Variants in EPAS1 observed in about 807,000 individuals in gnomAD.
The protein encoded by EPAS1 is endothelial PAS domain-containing protein 1.
EPAS1 carries 23 observed loss-of-function variants against 87.9 expected under a neutral mutation model. That is an observed-to-expected ratio of 0.26 (90% confidence interval 0.19 to 0.37). The LOEUF (loss-of-function observed/expected upper bound fraction) is 0.37, where lower values mean the gene tolerates loss of function less well. EPAS1 is among the 10% of genes least tolerant of loss of function. The probability of loss-of-function intolerance (pLI) is 1.00; values close to 1 mark genes in which losing one functional copy is unlikely to be tolerated. For synonymous variants in EPAS1, 508 were observed against 444.3 expected (o/e 1.14, Z -1.80); for missense variants, 1,138 against 1,120.7 (o/e 1.02, Z -0.22).
chr2:46,307,353 A>G (rs1683125751), intron 1 of EPAS1, among the ~76,000 whole-genome samples: 1 of 152,196 alleles, frequency 6.6e-6, no homozygotes, highest in African/African-American at 2.4e-5. Context: ...GTGTGCTTGC[A>G]CAACAAATGT....
In EPAS1 at chr2:46,346,350, G is replaced by C. The variant is rs1169740297; in HGVS notation, c.27-523G>C. Reference sequence around the variant, plus strand: ...AATGGCATTTTCAGTTTTTACTGTGGAAATCACTTTCTGGTATGAAGCGGG... The same window carrying C: ...AATGGCATTTTCAGTTTTTACTGTGCAAATCACTTTCTGGTATGAAGCGGG... On this transcript the variant is annotated intron_variant, in intron 1 of 15. Coordinates refer to ENST00000263734, the MANE Select transcript of EPAS1 (RefSeq NM_001430.5). The surrounding 1 kb of genome is among the most constrained non-coding windows in gnomAD (Gnocchi z 4.0). Among the ~76,000 whole-genome samples the C allele has an allele frequency of 6.6e-6, 1 of 152,188 alleles. No individual in the cohort carries two copies. Among genetic ancestry groups the C allele is most frequent in the Non-Finnish European group, 1.5e-5 (1 of 68,042 alleles).
intron 1 of EPAS1, among the ~76,000 whole-genome samples, chr2:46,325,806 G>C (rs906809828): frequency 2.0e-5 from 3 of 152,174 alleles, no homozygotes; most frequent in African/African-American, 7.2e-5. Flanking sequence ...ATGATCATTA[G>C]AACTCATGTT....
rs1387303149 is a variant in EPAS1 at position 46,382,449 on chromosome 2, G to A, written c.2312G>A (p.Arg771Lys). Residue 771 changes from arginine to lysine, a missense_variant, in exon 15 of 16, where the codon AGG becomes AAG. By Grantham distance (26) the Arg-to-Lys change is conservative (BLOSUM62 2). Around this residue, in one of 4 missense-constraint regions of EPAS1, gnomAD observed 502 missense variants for 427.1 expected, o/e 1.18. Transcript: ENST00000263734. ...PNDKFTQNPM[R>K]GLGHPLRHLP... Reference sequence around the variant, plus strand: ...GATAAGTTCACCCAAAACCCCATGAGGGGCCTGGGCCATCCCCTGAGACAT... The same window carrying A: ...GATAAGTTCACCCAAAACCCCATGAAGGGCCTGGGCCATCCCCTGAGACAT... 6.2e-7 allele frequency: 1 copy of A among 1,614,050 alleles called. No homozygotes were observed. Among genetic ancestry groups the A allele is most frequent in the South Asian group, 1.1e-5 (1 of 91,072 alleles).
At chr2:46,313,598 C>T (rs1003158016) in intron 1 of EPAS1, among the ~76,000 whole-genome samples, 2 of 152,102 alleles carry the variant, frequency 1.3e-5, no homozygotes, top group African/African-American at 4.8e-5. Context: ...ATTACAGGCA[C>T]GCACCACCAT....
In EPAS1 at chr2:46,324,660, C is replaced by T. The variant is rs185512553; in HGVS notation, c.27-22213C>T. ...GCCTGGCCAGGATGAAAACGCTCAT[C>T]CTTGGGCTGCCCCTAGATGCCAAAC... is the stretch of plus-strand genomic sequence containing the variant. On this transcript the variant is annotated intron_variant, in intron 1 of 15. Transcript: ENST00000263734. Among the ~76,000 whole-genome samples, 73 of 152,318 alleles carry T rather than the reference C, an allele frequency of 4.8e-4. 4 individuals carry two copies. Among genetic ancestry groups the T allele is most frequent in the Admixed American group, 1.5e-3 (23 of 15,300 alleles).
At chr2:46,301,093 A>T (rs1266719017) in intron 1 of EPAS1, among the ~76,000 whole-genome samples, 2 of 152,234 alleles carry the variant, frequency 1.3e-5, no homozygotes, top group Non-Finnish European at 2.9e-5. Context: ...GTTTTAATTC[A>T]TACAGTTTTC....
rs142684263 is a variant in EPAS1 at position 46,356,140 on chromosome 2, C to CG, written c.218-11_218-10insG. The CG allele has an allele frequency of 1.4e-5, 19 of 1,363,936 alleles. 1 individual carries two copies. Among genetic ancestry groups the CG allele is most frequent in the South Asian group, 8.1e-5 (7 of 86,868 alleles). The allele number at this position is 1,363,936 out of a possible 1,614,324, so 84.5% of individuals were successfully genotyped here. On this transcript the variant is annotated splice_polypyrimidine_tract_variant and intron_variant, in intron 2 of 15. Transcript: ENST00000263734. ...ATTCATGCAAGCTGTCCCACCCCCC[C>CG]CCCTTTCCAGTTTGCTCTGAAAACG...
At chr2:46,309,550 T>A (rs1390703961) in intron 1 of EPAS1, among the ~76,000 whole-genome samples, 1 of 152,066 alleles carries the variant, frequency 6.6e-6, no homozygotes, top group Non-Finnish European at 1.5e-5. Context: ...TTAGTGGAGA[T>A]TAGAGGGAGG....
chr2:46,341,618 C>A (rs1683915555), intron 1 of EPAS1, among the ~76,000 whole-genome samples: 1 of 152,176 alleles, frequency 6.6e-6, no homozygotes. Context: ...ATGGTGACTT[C>A]AAATTTGCTG....
Position 46,316,670 on chromosome 2 carries a change from C to T in EPAS1, c.26+18733C>T, listed in dbSNP as rs183392614. Reference sequence around the variant, plus strand: ...TTCTTACTGGGAGAGGTTCTTGCCTCCATATCGGTGGCTGCAGAACTGATT... The same window carrying T: ...TTCTTACTGGGAGAGGTTCTTGCCTTCATATCGGTGGCTGCAGAACTGATT... On this transcript the variant is annotated intron_variant, in intron 1 of 15. Transcript: ENST00000263734. 6.7e-3 allele frequency among the ~76,000 whole-genome samples: 1,021 copies of T among 152,268 alleles called. 7 individuals carry two copies. The highest frequency in any genetic ancestry group is 0.012 in the Non-Finnish European group (823 of 68,010).
In EPAS1 at chr2:46,376,753, G is replaced by A. The variant is rs1230389818; in HGVS notation, c.1249G>A (p.Gly417Arg). Residue 417 changes from glycine (G) to arginine (R), a missense_variant and splice_region_variant, in exon 9 of 16, where the codon GGG becomes AGG. Gly to Arg is a moderately radical substitution (Grantham distance 125). This residue lies in a region of EPAS1 where 284 missense variants were observed against 258.4 expected (regional missense o/e 1.10). Transcript: ENST00000263734. ...AGACGCCATCATCTCTCTGGATTTC[G>A]GTGGGTGCTTCTTAGCTAAGCCAGG... is the stretch of plus-strand genomic sequence containing the variant. ...PGDAIISLDF[G>R]NQNFEESSAY... 10 of 1,611,878 alleles carry A rather than the reference G, an allele frequency of 6.2e-6. No individual in the cohort carries two copies. The highest frequency in any genetic ancestry group is 2.2e-5 in the South Asian group (2 of 90,998).
At chr2:46,349,471 A>G (rs1684103270) in intron 2 of EPAS1, among the ~76,000 whole-genome samples, 1 of 152,174 alleles carries the variant, frequency 6.6e-6, no homozygotes, top group South Asian at 2.1e-4. Flanking sequence ...TCCCATATCT[A>G]TCCCATCTCC....
At chr2:46,336,476 GTT>G (rs2104862943) in intron 1 of EPAS1, among the ~76,000 whole-genome samples, 1 of 152,262 alleles carries the variant, frequency 6.6e-6, no homozygotes, top group South Asian at 2.1e-4. Context: ...TAAGGGGTGG[GTT>G]TTGAAGAAAT....
chr2:46,302,522 G>A (rs554417464), intron 1 of EPAS1, among the ~76,000 whole-genome samples: 28 of 152,040 alleles, frequency 1.8e-4, no homozygotes, highest in African/African-American at 6.8e-4. Flanking sequence ...AGCTCCTGGG[G>A]CCCTAGTACT....
chr2:46,376,251 G>C (rs539961914), intron 8 of EPAS1, among the ~76,000 whole-genome samples: 1 of 152,228 alleles, frequency 6.6e-6, no homozygotes. Context: ...TGTTTCTACA[G>C]ACAGAGAAAA....
chr2:46,320,333 C>T (rs1011492929), intron 1 of EPAS1, among the ~76,000 whole-genome samples: 2 of 152,296 alleles, frequency 1.3e-5, no homozygotes, highest in Admixed American at 1.3e-4. Context: ...TGCAAAGGGA[C>T]AGTAAGACTT....
At chr2:46,352,518 C>A (rs1033414969) in intron 2 of EPAS1, among the ~76,000 whole-genome samples, 1 of 151,862 alleles carries the variant, frequency 6.6e-6, no homozygotes, top group African/African-American at 2.4e-5. Context: ...ATTAATGGTA[C>A]GTCAGGGAAG....
intron 1 of EPAS1, among the ~76,000 whole-genome samples, chr2:46,327,742 A>C (rs559646933): frequency 1.3e-5 from 2 of 152,276 alleles, no homozygotes; most frequent in South Asian, 4.1e-4. Context: ...ACACACAAAA[A>C]TTCATCTGTT....
At chr2:46,306,555 C>G (rs371656019) in intron 1 of EPAS1, among the ~76,000 whole-genome samples, 1 of 152,198 alleles carries the variant, frequency 6.6e-6, no homozygotes, top group Admixed American at 6.5e-5. Context: ...TATTTACAGG[C>G]CTCCTTCCTA....
Sources: gnomAD v4.1 joint callset for allele counts (sites outside exome capture counted in the v4.1 genomes callset) on GRCh38, gnomAD v4.1.1 for gene constraint, gnomAD v4.1.1 regional missense constraint, Gnocchi (gnomAD v3.1) non-coding constraint, MANE v1.5 for transcripts, NCBI Gene and HGNC (gene_info 2026-07-23, HGNC 2026-07-21) for gene names.